TET1: variants seen among roughly 807,000 people sequenced by gnomAD.
The protein encoded by TET1 is methylcytosine dioxygenase TET1.
A neutral mutation model predicts 148.7 loss-of-function variants in TET1; 13 were observed. The ratio of observed to expected loss-of-function variants is 0.09; its 90% CI spans 0.06 to 0.14. The LOEUF is 0.14. Among genes scored for constraint, TET1 ranks in the 10% least tolerant of loss-of-function variants. The pLI is 1.00. For synonymous variants in TET1, 907 were observed against 937.2 expected (o/e 0.97, Z 0.59); for missense variants, 2,182 against 2,553.8 (o/e 0.85, Z 3.14).
At chr10:68,591,132 G>A (rs548827074) in intron 2 of TET1, among the ~76,000 whole-genome samples, 180 of 152,302 alleles carry the variant, frequency 1.2e-3, no homozygotes, top group Non-Finnish European at 2.0e-3. Context: ...TGGGATTACA[G>A]GCATGAGCCA....
In TET1 at chr10:68,600,970, A is replaced by AT. The variant is rs751784599; in HGVS notation, c.1915-3dup. 114 of 1,596,020 alleles carry AT rather than the reference A, an allele frequency of 7.1e-5. No individual in the cohort carries two copies. The highest frequency in any genetic ancestry group is 2.3e-4 in the African/African-American group (17 of 73,590). ...AAACAGAGGCTCATTTTGCAATTTG[A>AT]TTTTTTTTAGGTTATAAAGGAAAAC... On this transcript the variant is annotated splice_polypyrimidine_tract_variant and intron_variant, in intron 2 of 11. Coordinates refer to ENST00000373644, the MANE Select transcript of TET1 (RefSeq NM_030625.3).
intron 3 of TET1, among the ~76,000 whole-genome samples, chr10:68,630,915 G>T (rs1349696510): frequency 1.3e-5 from 2 of 152,178 alleles, no homozygotes; most frequent in Admixed American, 6.6e-5. Flanking sequence ...GGGGCACTCA[G>T]CCTTTTATCC....
intron 3 of TET1, among the ~76,000 whole-genome samples, chr10:68,602,453 G>T (rs192416956): frequency 5.9e-5 from 9 of 152,284 alleles, no homozygotes; most frequent in Admixed American, 3.3e-4. Flanking sequence ...TGGGGTTGTG[G>T]ATGGGGATTA....
At position 68,679,319 on chromosome 10, in the gene TET1, A is replaced by G. The variant is rs192413672; in HGVS notation, c.4825-2080A>G. Among the ~76,000 whole-genome samples the G allele has an allele frequency of 2.1e-3, 323 of 152,350 alleles. 4 individuals carry two copies. Among genetic ancestry groups the G allele is most frequent in the African/African-American group, 7.3e-3 (304 of 41,590 alleles). ...AATTTGAGATGACCTGTTCCTCAGT[A>G]GGACTTGTGACTCTGTGTGGTCCAC... On this transcript the variant is annotated intron_variant, in intron 8 of 11. Transcript: ENST00000373644.
intron 1 of TET1, among the ~76,000 whole-genome samples, chr10:68,561,871 T>A (rs1263434283): frequency 4.6e-5 from 7 of 151,950 alleles, no homozygotes; most frequent in Non-Finnish European, 1.0e-4. Flanking sequence ...CTAAAGTGTT[T>A]CCAAAAGAAC....
At chr10:68,624,660 C>CTTTCTTTCTTTCTTT (rs1462948714) in intron 3 of TET1, among the ~76,000 whole-genome samples, 1 of 74,458 alleles carries the variant, frequency 1.3e-5, no homozygotes, top group African/African-American at 5.3e-5. Flanking sequence ...TTCTTTCTTT[C>CTTTCTTTCTTTCTTT]TCTCTCTCTC....
intron 3 of TET1, among the ~76,000 whole-genome samples, chr10:68,643,084 T>C (rs1258095686): frequency 6.6e-6 from 1 of 150,890 alleles, no homozygotes; most frequent in Non-Finnish European, 1.5e-5. Flanking sequence ...CATGGTGATA[T>C]CCTGTCTCTA....
intron 3 of TET1, among the ~76,000 whole-genome samples, chr10:68,629,080 G>A (rs2054530092): frequency 6.6e-6 from 1 of 152,128 alleles, no homozygotes; most frequent in Non-Finnish European, 1.5e-5. Context: ...AATTTAGCAT[G>A]TATGCCGGGC....
rs1199439842 is a variant in TET1, at chr10:68,605,584, G to T, written c.1968+4550G>T. Among the ~76,000 whole-genome samples, 5 of 152,138 alleles carry T rather than the reference G, an allele frequency of 3.3e-5. 1 individual carries two copies. Among genetic ancestry groups the T allele is most frequent in the African/African-American group, 1.2e-4 (5 of 41,426 alleles). On this transcript the variant is annotated intron_variant, in intron 3 of 11. Transcript: ENST00000373644. ...GCTGGAGTGCAGTGGTGCAGTCTTG[G>T]CTCACTGCAACCTCTGCCACCTGGG...
chr10:68,655,044 C>T (rs1197453313), intron 6 of TET1, among the ~76,000 whole-genome samples: 5 of 152,176 alleles, frequency 3.3e-5, no homozygotes, highest in African/African-American at 1.2e-4. Flanking sequence ...CAGTGTCTTT[C>T]TTTCATCACC....
intron 1 of TET1, among the ~76,000 whole-genome samples, chr10:68,563,161 C>T (rs1167223722): frequency 6.6e-6 from 1 of 152,036 alleles, no homozygotes; most frequent in East Asian, 1.9e-4. Context: ...CTTTTTTCCC[C>T]CTTCCTCTCT....
In TET1 at chr10:68,646,956, C is replaced by A; in HGVS notation, c.4227C>A (p.Asn1409Lys). The change falls in exon 4 of 12, where the codon AAC (asparagine) becomes AAA (lysine). Residue 1409 changes from asparagine (N) to lysine (K), a missense_variant. Transcript: ENST00000373644. Reference sequence around the variant, plus strand: ...ACTTCTTTACTAACCCTACAAAAAACCTAGTGTCTATAACTAAAGATTCTG... The same window carrying A: ...ACTTCTTTACTAACCCTACAAAAAAACTAGTGTCTATAACTAAAGATTCTG... ...AMNFFTNPTK[N>K]LVSITKDSEL... The A allele has an allele frequency of 6.2e-7, 1 of 1,614,046 alleles. No individual in the cohort carries two copies. Among genetic ancestry groups the A allele is most frequent in the Non-Finnish European group, 8.5e-7 (1 of 1,179,988 alleles).
In TET1 at chr10:68,664,989, C is replaced by A. The variant is rs567090454; in HGVS notation, c.4462-2056C>A. 3.3e-5 allele frequency among the ~76,000 whole-genome samples: 5 copies of A among 151,996 alleles called. No individual in the cohort carries two copies. The South Asian group carries it at 1.0e-3, about 32-fold the overall frequency. On this transcript the variant is annotated intron_variant, in intron 6 of 11. Coordinates refer to ENST00000373644, the MANE Select transcript of TET1 (RefSeq NM_030625.3). ...GTCTCAGTATGTTGCTCAGGCTGGC[C>A]TCGAACTCTTGGCCTCAAGCAATCC...
chr10:68,609,050 C>G (rs1473726292), intron 3 of TET1, among the ~76,000 whole-genome samples: 2 of 152,008 alleles, frequency 1.3e-5, no homozygotes, highest in Admixed American at 1.3e-4. Flanking sequence ...GTCACCTAGG[C>G]TGGAGTGCAG....
rs1170360290 is a variant in TET1 at position 68,573,418 on chromosome 10, T to C, written c.1080T>C (p.Asp360=). Residue 360 remains aspartate, a synonymous_variant, in exon 2 of 12, where the codon GAT becomes GAC. Transcript: ENST00000373644. The part of the protein sequence containing the change: ...EATANQQEVS[D]TTSFLGQAFG... ...CTGCAAATCAACAGGAAGTTTCTGA[T>C]ACCACCTCTTTCCTAGGACAGGCCT... 6.2e-7 allele frequency: 1 copy of C among 1,614,194 alleles called. No individual in the cohort carries two copies.
intron 3 of TET1, among the ~76,000 whole-genome samples, chr10:68,602,505 C>T (rs922814995): frequency 6.6e-6 from 1 of 152,186 alleles, no homozygotes; most frequent in Non-Finnish European, 1.5e-5. Flanking sequence ...CTAATACAGA[C>T]CAAGCCTAGT....
chr10:68,643,081 A>G (rs1413255688), intron 3 of TET1, among the ~76,000 whole-genome samples: 1 of 151,920 alleles, frequency 6.6e-6, no homozygotes, highest in Admixed American at 6.6e-5. Context: ...CAACATGGTG[A>G]TATCCTGTCT....
At chr10:68,612,906 C>A (rs2054237639) in intron 3 of TET1, among the ~76,000 whole-genome samples, 1 of 152,210 alleles carries the variant, frequency 6.6e-6, no homozygotes, top group South Asian at 2.1e-4. Context: ...GCATGACCCA[C>A]CATGCCTGGC....
chr10:68,644,994 C>T lies in TET1; in HGVS notation c.2265C>T (p.Thr755=), dbSNP rs187387515. 5.6e-5 allele frequency: 91 copies of T among 1,613,480 alleles called. No homozygotes were observed. The highest frequency in any genetic ancestry group is 2.2e-4 in the East Asian group (10 of 44,836). Reference sequence around the variant, plus strand: ...AATCTCCAAAATTGTTTGTACAAACCGTAAGAAATGGCATTAAACATGTAC... The same window carrying T: ...AATCTCCAAAATTGTTTGTACAAACTGTAAGAAATGGCATTAAACATGTAC... ...RTKSPKLFVQ[T]VRNGIKHVHC... The change falls in exon 4 of 12, where the codon ACC becomes ACT. Residue 755 remains threonine, a synonymous_variant. Transcript: ENST00000373644.
Sources: allele counts gnomAD v4.1 joint callset (sites outside exome capture counted in the v4.1 genomes callset), GRCh38; gene constraint gnomAD v4.1.1; transcripts MANE v1.5; gene names NCBI Gene and HGNC (gene_info 2026-07-23, HGNC 2026-07-21).